Variants in EXOC6B observed in about 807,000 individuals in gnomAD.
The protein encoded by EXOC6B is exocyst complex component 6B.
A neutral mutation model predicts 113.5 loss-of-function variants in EXOC6B; 54 were observed. The ratio of observed to expected loss-of-function variants is 0.48; its 90% confidence interval spans 0.38 to 0.60. The LOEUF (loss-of-function observed/expected upper bound fraction) is 0.60. Among genes scored for constraint, EXOC6B ranks in the 20% least tolerant of loss-of-function variants. The probability of loss-of-function intolerance (pLI) is 0.00; values close to 1 mark genes in which losing one functional copy is unlikely to be tolerated. For missense variants in EXOC6B, 797 were observed against 977.5 expected, an observed-to-expected ratio of 0.82 and a Z score of 2.46; for synonymous variants, 357 against 339.0, an observed-to-expected ratio of 1.05 and a Z score of -0.58.
chr2:72,478,765 G>A (rs1365366102), intron 17 of EXOC6B, among the ~76,000 whole-genome samples: 1 of 152,228 alleles, frequency 6.6e-6, no homozygotes, highest in Non-Finnish European at 1.5e-5. Flanking sequence ...GACTGGTTGA[G>A]AGAAAGAGTA....
intron 5 of EXOC6B, among the ~76,000 whole-genome samples, chr2:72,726,665 A>G (rs1680316034): frequency 1.3e-5 from 2 of 152,162 alleles, no homozygotes; most frequent in African/African-American, 4.8e-5. Context: ...ACTTAACAAT[A>G]ATAACATAAC....
intron 19 of EXOC6B, among the ~76,000 whole-genome samples, chr2:72,365,820 A>G (rs1019724674): frequency 6.6e-6 from 1 of 152,158 alleles, no homozygotes; most frequent in African/African-American, 2.4e-5. Flanking sequence ...GCCAGAGTTT[A>G]AAGACCTCCA....
intron 6 of EXOC6B, among the ~76,000 whole-genome samples, chr2:72,599,764 T>C (rs1175142178): frequency 1.3e-5 from 2 of 152,070 alleles, no homozygotes; most frequent in African/African-American, 4.8e-5. Context: ...AATGAACAAC[T>C]GGAACTTGAA....
chr2:72,419,597 TTTTTC>T lies in EXOC6B; in HGVS notation c.1981-39732_1981-39728del, dbSNP rs548010024. On this transcript the variant is annotated intron_variant, in intron 18 of 21. Transcript: ENST00000272427. ...ATAGAATTCTTGGTTCACAGTTTGT[TTTTTC>T]TTTTAACACTTTGATATAACAGCCC... Among the ~76,000 whole-genome samples, 23 of 152,310 alleles carry T rather than the reference TTTTTC, an allele frequency of 1.5e-4. No homozygotes were observed. In the South Asian group the frequency reaches 4.6e-3, roughly 30 times the overall value.
chr2:72,237,815 G>A (rs1682059946), intron 20 of EXOC6B, among the ~76,000 whole-genome samples: 1 of 152,082 alleles, frequency 6.6e-6, no homozygotes. Context: ...ATGGAGAAGA[G>A]GCAAGAGAGA....
At chr2:72,626,964 G>A (rs1295474326) in intron 6 of EXOC6B, among the ~76,000 whole-genome samples, 1 of 152,158 alleles carries the variant, frequency 6.6e-6, no homozygotes, top group Non-Finnish European at 1.5e-5. Flanking sequence ...ATAGTATTCA[G>A]AAGAAACTTT....
At chr2:72,179,581 A>C in intron 21 of EXOC6B, 120 bp from the exon 22 acceptor site, 1 of 1,156,548 alleles carries the variant, frequency 8.6e-7, no homozygotes. Flanking sequence ...GAGAGAGTCC[A>C]GAATATCTCC....
intron 1 of EXOC6B, among the ~76,000 whole-genome samples, chr2:72,819,739 T>C (rs186776481): frequency 2.0e-5 from 3 of 151,952 alleles, no homozygotes; most frequent in African/African-American, 4.8e-5. Flanking sequence ...CCCATCTACA[T>C]TGGAGGAAGA....
chr2:72,644,181 G>A (rs1237179762), intron 6 of EXOC6B, among the ~76,000 whole-genome samples: 1 of 152,058 alleles, frequency 6.6e-6, no homozygotes, highest in African/African-American at 2.4e-5. Context: ...TCAATCAAGT[G>A]GAAGAAAGGG....
intron 20 of EXOC6B, among the ~76,000 whole-genome samples, chr2:72,316,276 A>G (rs1687506045): frequency 6.6e-6 from 1 of 152,190 alleles, no homozygotes; most frequent in African/African-American, 2.4e-5. Flanking sequence ...TTGAAGCAGT[A>G]AGAGTGATTT....
intron 7 of EXOC6B, among the ~76,000 whole-genome samples, chr2:72,563,823 T>C (rs1443350205): frequency 6.6e-6 from 1 of 152,170 alleles, no homozygotes; most frequent in Non-Finnish European, 1.5e-5. Flanking sequence ...AATGGTTAAG[T>C]TCCTCTCATG....
chr2:72,734,597 G>A (rs541298582), intron 2 of EXOC6B, among the ~76,000 whole-genome samples: 63 of 152,266 alleles, frequency 4.1e-4, no homozygotes, highest in Admixed American at 6.5e-4. Context: ...GTAAATGAAA[G>A]GTCATGGCTG....
At chr2:72,411,616 G>A (rs1573062338) in intron 18 of EXOC6B, among the ~76,000 whole-genome samples, 1 of 152,154 alleles carries the variant, frequency 6.6e-6, no homozygotes, top group East Asian at 1.9e-4. Flanking sequence ...TTCCAAGTGT[G>A]GGTTTGCTGC....
intron 6 of EXOC6B, among the ~76,000 whole-genome samples, chr2:72,699,408 G>T (rs1158687171): frequency 6.6e-6 from 1 of 151,654 alleles, no homozygotes; most frequent in East Asian, 1.9e-4. Flanking sequence ...AACCCAGGAG[G>T]CAGAGGTTGC....
intron 7 of EXOC6B, among the ~76,000 whole-genome samples, chr2:72,562,841 A>G (rs116198497): frequency 9.8e-4 from 150 of 152,304 alleles, no homozygotes; most frequent in Non-Finnish European, 2.0e-3. Context: ...TTTTTCTAGA[A>G]GTTCAAATAC....
Position 72,513,166 on chromosome 2 carries a change from A to G in EXOC6B, c.1133T>C (p.Leu378Pro). ...AYIDELWEMA[L>P]SKTIAALRTH... ...ACGGAGTGCTGCGATGGTTTTTGAA[A>G]GTGCCATTTCCCACAGTTCATCAAT... is the stretch of plus-strand genomic sequence containing the variant. Residue 378 changes from leucine to proline, a missense_variant, in exon 11 of 22, where the codon CTT (leucine) becomes CCT (proline). Leu to Pro is a moderately conservative substitution (Grantham distance 98). Coordinates refer to ENST00000272427, the MANE Select transcript of EXOC6B (RefSeq NM_015189.3). 1 of 1,613,362 alleles carries G rather than the reference A, an allele frequency of 6.2e-7. No individual in the cohort carries two copies. Among genetic ancestry groups the G allele is most frequent in the Non-Finnish European group, 8.5e-7 (1 of 1,179,444 alleles).
chr2:72,270,629 A>G (rs1684421828), intron 20 of EXOC6B, among the ~76,000 whole-genome samples: 1 of 152,142 alleles, frequency 6.6e-6, no homozygotes, highest in Non-Finnish European at 1.5e-5. Flanking sequence ...TGCTTTTCTT[A>G]GCTGCTTGCT....
intron 8 of EXOC6B, among the ~76,000 whole-genome samples, chr2:72,539,787 C>T (rs536829106): frequency 2.0e-5 from 3 of 151,874 alleles, no homozygotes; most frequent in Admixed American, 2.0e-4. Flanking sequence ...GCATATATGA[C>T]TAAATATAAT....
At chr2:72,596,511 G>A (rs2103970088) in intron 6 of EXOC6B, among the ~76,000 whole-genome samples, 1 of 152,154 alleles carries the variant, frequency 6.6e-6, no homozygotes, top group East Asian at 1.9e-4. Context: ...AGCAGAGAAA[G>A]GAGAAACGTA....
Sources: allele counts gnomAD v4.1 joint callset (sites outside exome capture counted in the v4.1 genomes callset), GRCh38; gene constraint gnomAD v4.1.1; transcripts MANE v1.5; gene names NCBI Gene and HGNC (gene_info 2026-07-23, HGNC 2026-07-21).